KIF6: variants seen among roughly 807,000 people sequenced by gnomAD.
KIF6 encodes the protein kinesin-like protein KIF6.
Under a neutral mutation model 112.7 loss-of-function variants are expected in KIF6, and 106 were observed. The ratio of observed to expected loss-of-function variants is 0.94; its 90% confidence interval spans 0.80 to 1.11. KIF6 has a LOEUF of 1.11. Among genes scored for constraint, KIF6 ranks in the 50% least tolerant of loss-of-function variants. KIF6 has a pLI of 0.00. For synonymous variants in KIF6, 339 were observed against 339.9 expected (o/e 1.00, Z 0.03); for missense variants, 929 against 964.0 (o/e 0.96, Z 0.48).
intron 3 of KIF6, chr6:39,691,655 A>T (rs955639691): frequency 6.6e-6 from 1 of 152,224 alleles, no homozygotes; most frequent in African/African-American, 2.4e-5. Flanking sequence ...TTAAGTTTTT[A>T]TGAGAAAAAC....
At chr6:39,389,170 A>G (rs1165492742) in intron 15 of KIF6, among the ~76,000 whole-genome samples, 1 of 152,178 alleles carries the variant, frequency 6.6e-6, no homozygotes, top group African/African-American at 2.4e-5. Flanking sequence ...TTCTAGGGAA[A>G]GTATTATCAT....
intron 3 of KIF6, among the ~76,000 whole-genome samples, chr6:39,708,823 G>C (rs544506960): frequency 5.3e-5 from 8 of 151,836 alleles, no homozygotes; most frequent in Non-Finnish European, 8.8e-5. Context: ...TGAAGCTTCA[G>C]GTATTCTCTG....
intron 1 of KIF6, among the ~76,000 whole-genome samples, chr6:39,724,794 A>G (rs934949676): frequency 2.6e-5 from 4 of 152,200 alleles, no homozygotes; most frequent in African/African-American, 9.7e-5. Context: ...ATTATTTCAG[A>G]GGTACATAAA....
At chr6:39,656,374 T>C (rs1785781904) in intron 3 of KIF6, among the ~76,000 whole-genome samples, 1 of 152,180 alleles carries the variant, frequency 6.6e-6, no homozygotes, top group South Asian at 2.1e-4. Context: ...TCTAAATAGT[T>C]TCATGTCCCT....
At chr6:39,711,912 A>G (rs1294695824) in intron 3 of KIF6, among the ~76,000 whole-genome samples, 1 of 152,194 alleles carries the variant, frequency 6.6e-6, no homozygotes, top group African/African-American at 2.4e-5. Flanking sequence ...AGAGCAAGAC[A>G]GAGACAGAGA....
intron 15 of KIF6, among the ~76,000 whole-genome samples, chr6:39,392,326 C>A (rs1767958584): frequency 6.6e-6 from 1 of 152,196 alleles, no homozygotes; most frequent in African/African-American, 2.4e-5. Flanking sequence ...CCCACTAACA[C>A]AAACAGTGCT....
chr6:39,528,418 A>C (rs1402025991), intron 13 of KIF6, among the ~76,000 whole-genome samples: 1 of 152,242 alleles, frequency 6.6e-6, no homozygotes, highest in Non-Finnish European at 1.5e-5. Flanking sequence ...TGGTGAAGTG[A>C]ACATGGGAAT....
rs145331537 is a variant in KIF6, at chr6:39,423,343, C to T, written c.1755-3340G>A. Among the ~76,000 whole-genome samples the T allele has an allele frequency of 6.3e-3, 955 of 152,218 alleles. 8 individuals carry two copies. Among genetic ancestry groups the T allele is most frequent in the African/African-American group, 0.022 (897 of 41,520 alleles). On this transcript the variant is annotated intron_variant, in intron 14 of 22. Coordinates refer to ENST00000287152, the MANE Select transcript of KIF6 (RefSeq NM_145027.6). ...CTCTGTTATTGGCTTCCAAGGGCCC[C>T]GGCTCTTCTGTCTTTTTCCCCCTCT... is the stretch of plus-strand genomic sequence containing the variant.
chr6:39,446,678 CG>C (rs879433779), intron 13 of KIF6, among the ~76,000 whole-genome samples: 1 of 151,954 alleles, frequency 6.6e-6, no homozygotes, highest in African/African-American at 2.4e-5. Flanking sequence ...TTAGTAGAGA[CG>C]GGGTTTCACC....
At chr6:39,581,761 T>C (rs1392405053) in intron 9 of KIF6, among the ~76,000 whole-genome samples, 1 of 152,054 alleles carries the variant, frequency 6.6e-6, no homozygotes, top group Non-Finnish European at 1.5e-5. Context: ...GGCTTTAATC[T>C]CTATTCCTTT....
intron 13 of KIF6, among the ~76,000 whole-genome samples, chr6:39,505,770 T>C (rs1776389012): frequency 6.6e-6 from 1 of 152,114 alleles, no homozygotes; most frequent in South Asian, 2.1e-4. Context: ...CATCAATGAT[T>C]ATTAGAGAAA....
chr6:39,711,485 C>G (rs1249178872), intron 3 of KIF6, among the ~76,000 whole-genome samples: 2 of 151,994 alleles, frequency 1.3e-5, no homozygotes, highest in African/African-American at 4.8e-5. Flanking sequence ...ATCCTCCCAC[C>G]CGAACCTCCT....
intron 10 of KIF6, among the ~76,000 whole-genome samples, chr6:39,560,814 G>A (rs191621282): frequency 1.1e-4 from 17 of 152,210 alleles, no homozygotes; most frequent in African/African-American, 1.7e-4. Flanking sequence ...CCTTTTCTGT[G>A]TTCTCTGCAG....
intron 19 of KIF6, among the ~76,000 whole-genome samples, chr6:39,347,686 C>T (rs1763912166): frequency 6.6e-6 from 1 of 152,352 alleles, no homozygotes; most frequent in African/African-American, 2.4e-5. Flanking sequence ...GGGTTAGAGA[C>T]AGGTGAGCCG....
At chr6:39,532,761 A>T (rs1778146832) in intron 13 of KIF6, among the ~76,000 whole-genome samples, 1 of 152,226 alleles carries the variant, frequency 6.6e-6, no homozygotes, top group South Asian at 2.1e-4. Flanking sequence ...TCAGAAAACC[A>T]TGCATGTCAG....
chr6:39,418,126 G>A (rs1770068069), intron 15 of KIF6, among the ~76,000 whole-genome samples: 1 of 152,208 alleles, frequency 6.6e-6, no homozygotes, highest in Admixed American at 6.5e-5. Context: ...TTCCTTATTG[G>A]TGTGGGTGAC....
chr6:39,362,385 G>T, intron 17 of KIF6, 49 bp downstream of exon 17: 1 of 1,420,208 alleles, frequency 7.0e-7, no homozygotes, highest in Non-Finnish European at 1.0e-6. Flanking sequence ...ACGACACTGA[G>T]ACCCTGGGAG....
At chr6:39,403,590 C>T (rs192354995) in intron 15 of KIF6, among the ~76,000 whole-genome samples, 1 of 152,298 alleles carries the variant, frequency 6.6e-6, no homozygotes, top group African/African-American at 2.4e-5. Flanking sequence ...CAGTTTTTGG[C>T]AATTATGAAG....
intron 13 of KIF6, among the ~76,000 whole-genome samples, chr6:39,515,797 GACA>G (rs1777053853): frequency 1.3e-5 from 2 of 152,204 alleles, no homozygotes; most frequent in South Asian, 4.2e-4. Context: ...CAAATTCCAA[GACA>G]ATAATTCCAG....
Sources: gnomAD v4.1 joint callset for allele counts (sites outside exome capture counted in the v4.1 genomes callset) on GRCh38, gnomAD v4.1.1 for gene constraint, MANE v1.5 for transcripts, NCBI Gene and HGNC (gene_info 2026-07-23, HGNC 2026-07-21) for gene names.